SOX13: variants seen among roughly 807,000 people sequenced by gnomAD.
SOX13 encodes transcription factor SOX-13.
Under a neutral mutation model 71.8 loss-of-function variants are expected in SOX13, and 28 were observed. The ratio of observed to expected loss-of-function variants is 0.39; its 90% confidence interval spans 0.29 to 0.53. The LOEUF is 0.53. Among genes scored for constraint, SOX13 ranks in the 20% least tolerant of loss-of-function variants. The pLI is 0.70. For missense variants in SOX13, 627 were observed against 810.3 expected (o/e 0.77, Z 2.75); for synonymous variants, 309 against 317.8 (o/e 0.97, Z 0.29).
In SOX13 at chr1:204,073,312, C is replaced by G. The variant is rs946736034; in HGVS notation, c.-401C>G. 4 of 152,670 alleles carry G rather than the reference C, an allele frequency of 2.6e-5. No individual in the cohort carries two copies. Among genetic ancestry groups the G allele is most frequent in the African/African-American group, 9.7e-5 (4 of 41,450 alleles). The allele number at this position is 152,670 out of a possible 1,614,324, so 9.5% of individuals were successfully genotyped here. A position where few individuals can be genotyped will look rare whatever the true frequency, so the allele number is the denominator to read the frequency against. ...GGTTGGAGCCGGAGAGCGTGAGAGC[C>G]GAAGAGCAGGGAGGGCGGGCCGGCT... On this transcript the variant is annotated 5_prime_UTR_variant, in exon 1 of 14. Coordinates refer to ENST00000367204, the MANE Select transcript of SOX13 (RefSeq NM_005686.3). The surrounding 1 kb of genome is among the most constrained non-coding windows in gnomAD (Gnocchi z 6.8).
At chr1:204,085,693 A>AT (rs1656001596) in intron 1 of SOX13, among the ~76,000 whole-genome samples, 1 of 150,396 alleles carries the variant, frequency 6.6e-6, no homozygotes, top group Admixed American at 6.6e-5. Flanking sequence ...AAAAAAAAAG[A>AT]TCCAGGCCTG....
At chr1:204,094,256 GT>G (rs1234203245) in intron 1 of SOX13, among the ~76,000 whole-genome samples, 1 of 152,204 alleles carries the variant, frequency 6.6e-6, no homozygotes. Flanking sequence ...TGTACATTGA[GT>G]TTGTGGCAGA....
At chr1:204,107,559 C>G (rs542164033) in intron 1 of SOX13, among the ~76,000 whole-genome samples, 3 of 152,100 alleles carry the variant, frequency 2.0e-5, no homozygotes, top group Admixed American at 6.6e-5. Context: ...GAGACACCTG[C>G]GTCTCTCTGG....
At chr1:204,117,507 G>T in intron 6 of SOX13, 86 bp from the exon 7 acceptor site, 1 of 830,634 alleles carries the variant, frequency 1.2e-6, no homozygotes. Context: ...TCTTGTCCAT[G>T]GGTCCATTCT....
In SOX13 at chr1:204,123,647, C is replaced by G. The variant is rs369549156; in HGVS notation, c.1232-14C>G. On this transcript the variant is annotated splice_polypyrimidine_tract_variant and intron_variant, in intron 11 of 13. Coordinates refer to ENST00000367204, the MANE Select transcript of SOX13 (RefSeq NM_005686.3). The surrounding 1 kb of genome is among the most constrained non-coding windows in gnomAD (Gnocchi z 5.0). ...CAGACAGGCTGCTTGGCTGACTTCA[C>G]TCCTGTCTCCCAGGCTCCCGCCACT... 1 of 1,611,518 alleles carries G rather than the reference C, an allele frequency of 6.2e-7. No homozygotes were observed. Among genetic ancestry groups the G allele is most frequent in the Admixed American group, 1.7e-5 (1 of 59,754 alleles).
chr1:204,101,282 G>A (rs1656354835), intron 1 of SOX13, among the ~76,000 whole-genome samples: 2 of 152,150 alleles, frequency 1.3e-5, no homozygotes, highest in South Asian at 4.1e-4. Flanking sequence ...GAGCCCTTGG[G>A]ATCCCAGGAT....
intron 1 of SOX13, among the ~76,000 whole-genome samples, chr1:204,097,881 T>C (rs1656284715): frequency 6.6e-6 from 1 of 152,128 alleles, no homozygotes; most frequent in Non-Finnish European, 1.5e-5. Context: ...TAAATTTATT[T>C]TTTGAGATAG....
At chr1:204,075,354 T>A (rs893662460) in intron 1 of SOX13, among the ~76,000 whole-genome samples, 1 of 152,190 alleles carries the variant, frequency 6.6e-6, no homozygotes. Context: ...GCTCCCTGAC[T>A]CCGTAATCTG....
At chr1:204,106,474 C>A (rs1417110561) in intron 1 of SOX13, among the ~76,000 whole-genome samples, 1 of 151,754 alleles carries the variant, frequency 6.6e-6, no homozygotes, top group East Asian at 1.9e-4. Context: ...CAGTGATGAG[C>A]AGAAACAGGT....
chr1:204,082,079 TGG>T (rs1217696162), intron 1 of SOX13, among the ~76,000 whole-genome samples: 3 of 111,712 alleles, frequency 2.7e-5, no homozygotes, highest in Non-Finnish European at 5.6e-5. Context: ...GGGGTGTGTG[TGG>T]GGGGGAGGGA....
rs1349265282 is a variant in SOX13 at position 204,116,490 on chromosome 1, G to C, written c.419-17G>C. 1 of 1,613,430 alleles carries C rather than the reference G, an allele frequency of 6.2e-7. No homozygotes were observed. Among genetic ancestry groups the C allele is most frequent in the Non-Finnish European group, 8.5e-7 (1 of 1,179,482 alleles). The stretch of plus-strand genomic sequence containing the variant: ...CAAGTAAAAAGTCTCAATGGGGTCT[G>C]TTTCACTGTGGAGCAGGGACCCAAG... On this transcript the variant is annotated splice_polypyrimidine_tract_variant and intron_variant, in intron 4 of 13. Coordinates refer to ENST00000367204, the MANE Select transcript of SOX13 (RefSeq NM_005686.3).
rs1655724429 is a variant in SOX13 at position 204,073,859 on chromosome 1, G to A, written c.-2+148G>A. On this transcript the variant is annotated intron_variant, in intron 1 of 13. Coordinates refer to ENST00000367204, the MANE Select transcript of SOX13 (RefSeq NM_005686.3). This position sits in a 1 kb window ranked among gnomAD's most constrained non-coding sequence, Gnocchi z 6.8. ...CCCTGTGCAAAGTTTTTCGAGGAGA[G>A]ACGGACCCTCACCTACCCCCAACAA... The A allele has an allele frequency of 6.6e-6, 1 of 152,396 alleles. No individual in the cohort carries two copies. Among genetic ancestry groups the A allele is most frequent in the South Asian group, 2.1e-4 (1 of 4,834 alleles). The allele number at this position is 152,396 out of a possible 1,614,324, so 9.4% of individuals were successfully genotyped here.
intron 1 of SOX13, among the ~76,000 whole-genome samples, chr1:204,101,333 C>T (rs936677687): frequency 2.6e-5 from 4 of 151,930 alleles, no homozygotes; most frequent in Admixed American, 2.0e-4. Flanking sequence ...GCTGTGGGCT[C>T]ACAGATGGGT....
intron 1 of SOX13, among the ~76,000 whole-genome samples, chr1:204,094,459 C>T (rs1009582702): frequency 7.2e-5 from 11 of 152,204 alleles, no homozygotes; most frequent in South Asian, 2.1e-4. Flanking sequence ...GAGCTGGGCA[C>T]CTTCAGTGAC....
At chr1:204,099,537 C>T (rs114713167) in intron 1 of SOX13, among the ~76,000 whole-genome samples, 4,986 of 151,092 alleles carry the variant, frequency 0.033, 131 homozygotes, top group East Asian at 0.052. Flanking sequence ...GCCATCCTCC[C>T]GAGTAGCTTG....
At chr1:204,102,679 G>C (rs895183511) in intron 1 of SOX13, among the ~76,000 whole-genome samples, 1 of 151,020 alleles carries the variant, frequency 6.6e-6, no homozygotes, top group African/African-American at 2.4e-5. Flanking sequence ...TCTTCTGCTT[G>C]TTTGACCATG....
At chr1:204,121,469 C>T (rs1295583537) in intron 7 of SOX13, among the ~76,000 whole-genome samples, 3 of 152,170 alleles carry the variant, frequency 2.0e-5, no homozygotes, top group African/African-American at 7.2e-5. Context: ...ATGATGTATT[C>T]AGCCCCTGTT....
At chr1:204,088,664 T>A (rs938128032) in intron 1 of SOX13, among the ~76,000 whole-genome samples, 5 of 151,948 alleles carry the variant, frequency 3.3e-5, no homozygotes, top group Non-Finnish European at 7.4e-5. Context: ...TAGGGGTCAT[T>A]CCTGCTGTTG....
At chr1:204,096,319 G>A (rs1239174343) in intron 1 of SOX13, among the ~76,000 whole-genome samples, 6 of 137,422 alleles carry the variant, frequency 4.4e-5, no homozygotes, top group Admixed American at 8.4e-5. Flanking sequence ...AGCTCACTGC[G>A]GCATCAACCT....
Sources: gnomAD v4.1 joint callset for allele counts (sites outside exome capture counted in the v4.1 genomes callset) on GRCh38, gnomAD v4.1.1 for gene constraint, Gnocchi (gnomAD v3.1) non-coding constraint, MANE v1.5 for transcripts, NCBI Gene and HGNC (gene_info 2026-07-23, HGNC 2026-07-21) for gene names.